The following SKAP1 variants were observed in gnomAD, a reference collection of about 807,000 sequenced individuals.
SKAP1 encodes the protein src kinase-associated phosphoprotein 1.
SKAP1 carries 44 observed loss-of-function variants against 58.5 expected under a neutral mutation model. The observed-to-expected ratio is 0.75, with a 90% CI of 0.59 to 0.97. The LOEUF is 0.97. Among genes scored for constraint, SKAP1 ranks in the 50% least tolerant of loss-of-function variants. The pLI is 0.00. For missense variants in SKAP1, 390 were observed against 435.2 expected (o/e 0.90, Z 0.92); for synonymous variants, 127 against 149.7 (o/e 0.85, Z 1.11).
intron 12 of SKAP1, among the ~76,000 whole-genome samples, chr17:48,135,028 A>G (rs2063682215): frequency 6.6e-6 from 1 of 152,176 alleles, no homozygotes; most frequent in African/African-American, 2.4e-5. Context: ...GATTTGACAG[A>G]AAAATTCCAA....
intron 2 of SKAP1, chr17:48,380,357 A>G (rs751289780): frequency 1.3e-5 from 2 of 152,246 alleles, no homozygotes; most frequent in Non-Finnish European, 2.9e-5. Context: ...AGCTACTGAC[A>G]GTTCTTAAGC....
intron 4 of SKAP1, among the ~76,000 whole-genome samples, chr17:48,315,709 C>G (rs2144197985): frequency 6.6e-6 from 1 of 152,248 alleles, no homozygotes; most frequent in Admixed American, 6.5e-5. Context: ...GCTCCAAAAC[C>G]TGAAACTTTT....
At chr17:48,173,744 C>T (rs1348868262) in intron 9 of SKAP1, among the ~76,000 whole-genome samples, 2 of 152,176 alleles carry the variant, frequency 1.3e-5, no homozygotes, top group Non-Finnish European at 2.9e-5. Context: ...TGGGTCAGAT[C>T]TCCACTGTGA....
chr17:48,310,327 TAGACCCTGAAG>T, intron 4 of SKAP1, among the ~76,000 whole-genome samples: 1 of 152,238 alleles, frequency 6.6e-6, no homozygotes, highest in Non-Finnish European at 1.5e-5. Context: ...TCACTGCTGT[TAGACCCTGAAG>T]TCAGAGACAC....
At chr17:48,338,094 T>C (rs1038458088) in intron 4 of SKAP1, among the ~76,000 whole-genome samples, 1 of 151,326 alleles carries the variant, frequency 6.6e-6, no homozygotes, top group Non-Finnish European at 1.5e-5. Flanking sequence ...CCTTCCTTTC[T>C]TTCTTTTTCT....
chr17:48,227,988 C>G (rs2065087414), intron 4 of SKAP1, among the ~76,000 whole-genome samples: 1 of 152,170 alleles, frequency 6.6e-6, no homozygotes, highest in South Asian at 2.1e-4. Flanking sequence ...GTCTCTCATT[C>G]ATTTCAAGGT....
At chr17:48,137,705 A>G (rs1312680854) in intron 11 of SKAP1, among the ~76,000 whole-genome samples, 3 of 152,198 alleles carry the variant, frequency 2.0e-5, no homozygotes, top group Non-Finnish European at 4.4e-5. Context: ...CAAATCAATA[A>G]TATTTATCAA....
intron 9 of SKAP1, among the ~76,000 whole-genome samples, chr17:48,171,607 C>G (rs2064217795): frequency 6.6e-6 from 1 of 152,212 alleles, no homozygotes; most frequent in South Asian, 2.1e-4. Context: ...ATTTAGATGT[C>G]TATCACCAGA....
chr17:48,158,169 C>G (rs2064007561), intron 11 of SKAP1, among the ~76,000 whole-genome samples: 2 of 90,996 alleles, frequency 2.2e-5, no homozygotes, highest in Admixed American at 2.8e-4. Flanking sequence ...GAGAGCAAAA[C>G]TCTGTCTCAA....
upstream of SKAP1, among the ~76,000 whole-genome samples, chr17:48,431,747 A>C (rs1684181142): frequency 1.3e-5 from 2 of 152,050 alleles, no homozygotes; most frequent in Admixed American, 1.3e-4. Context: ...CAACCTACAG[A>C]ATATGTAGAA....
chr17:48,240,540 A>G (rs895035956), intron 4 of SKAP1, among the ~76,000 whole-genome samples: 1 of 152,254 alleles, frequency 6.6e-6, no homozygotes, highest in African/African-American at 2.4e-5. Flanking sequence ...CAGTATAGAA[A>G]TACAGTTGTC....
upstream of SKAP1, among the ~76,000 whole-genome samples, chr17:48,434,277 G>C (rs2067930981): frequency 6.6e-6 from 1 of 152,220 alleles, no homozygotes; most frequent in African/African-American, 2.4e-5. Context: ...TCGGTGCCAA[G>C]AACCAGGCTC....
chr17:48,394,786 G>C (rs1358803945), intron 2 of SKAP1, among the ~76,000 whole-genome samples: 3 of 152,182 alleles, frequency 2.0e-5, no homozygotes, highest in Non-Finnish European at 4.4e-5. Flanking sequence ...TGAAGAAGAG[G>C]ATTCAGGAAA....
chr17:48,218,178 G>C (rs1027706823), intron 4 of SKAP1, among the ~76,000 whole-genome samples: 5 of 152,298 alleles, frequency 3.3e-5, no homozygotes, highest in Non-Finnish European at 7.4e-5. Flanking sequence ...CAAATCATTT[G>C]CTAACAGCTA....
chr17:48,297,041 T>C (rs1408350236), intron 4 of SKAP1, among the ~76,000 whole-genome samples: 1 of 152,124 alleles, frequency 6.6e-6, no homozygotes, highest in Non-Finnish European at 1.5e-5. Flanking sequence ...TTAAAAAAAA[T>C]CCTTGTGTTA....
chr17:48,226,133 G>T (rs1398643122), intron 4 of SKAP1, among the ~76,000 whole-genome samples: 1 of 152,134 alleles, frequency 6.6e-6, no homozygotes, highest in Non-Finnish European at 1.5e-5. Flanking sequence ...GCCTGTAATG[G>T]TACAGGATGT....
At chr17:48,247,247 A>G (rs934428459) in intron 4 of SKAP1, among the ~76,000 whole-genome samples, 1 of 152,210 alleles carries the variant, frequency 6.6e-6, no homozygotes. Flanking sequence ...GTCACATTCC[A>G]TTGGGAAGAC....
chr17:48,334,838 A>G (rs1331631344), intron 4 of SKAP1, among the ~76,000 whole-genome samples: 1 of 151,908 alleles, frequency 6.6e-6, no homozygotes, highest in Non-Finnish European at 1.5e-5. Context: ...AAAAATTAAT[A>G]TTAATAAATA....
chr17:48,335,584 G>A (rs754177027), intron 4 of SKAP1, among the ~76,000 whole-genome samples: 2 of 152,008 alleles, frequency 1.3e-5, no homozygotes, highest in South Asian at 2.1e-4. Context: ...ACCATAGAAG[G>A]AATGCTACAA....
Sources: allele counts gnomAD v4.1 joint callset (sites outside exome capture counted in the v4.1 genomes callset), GRCh38; gene constraint gnomAD v4.1.1; transcripts MANE v1.5; gene names NCBI Gene and HGNC (gene_info 2026-07-23, HGNC 2026-07-21).